Variants in SDK1 observed in about 807,000 individuals in gnomAD.
SDK1 encodes the protein protein sidekick-1.
SDK1 carries 157 observed loss-of-function variants against 245.5 expected under a neutral mutation model. That is an observed-to-expected ratio of 0.64 (90% confidence interval 0.56 to 0.73). SDK1 has a LOEUF of 0.73. Among genes scored for constraint, SDK1 ranks in the 30% least tolerant of loss-of-function variants. The pLI, the probability that SDK1 is intolerant of heterozygous loss-of-function variation, is 0.00. For synonymous variants in SDK1, 1,647 were observed against 1,278.5 expected (o/e 1.29, Z -6.15); for missense variants, 3,583 against 3,002.3 (o/e 1.19, Z -4.52).
At chr7:3,607,624 C>G (rs190105090) in intron 1 of SDK1, among the ~76,000 whole-genome samples, 45 of 152,270 alleles carry the variant, frequency 3.0e-4, no homozygotes, top group African/African-American at 1.1e-3. Flanking sequence ...AGTATGAATG[C>G]TTTCTTTTCT....
intron 4 of SDK1, among the ~76,000 whole-genome samples, chr7:3,741,373 C>T (rs1779469540): frequency 6.6e-6 from 1 of 152,202 alleles, no homozygotes; most frequent in South Asian, 2.1e-4. Flanking sequence ...TTCATCTTTG[C>T]TCTGTGATCC....
At chr7:3,889,140 C>G (rs893954156) in intron 5 of SDK1, among the ~76,000 whole-genome samples, 1 of 152,190 alleles carries the variant, frequency 6.6e-6, no homozygotes, top group African/African-American at 2.4e-5. Context: ...AAAATTGAGA[C>G]TGAAAGTGAT....
At chr7:3,789,436 C>G (rs1476917614) in intron 4 of SDK1, among the ~76,000 whole-genome samples, 1 of 152,236 alleles carries the variant, frequency 6.6e-6, no homozygotes, top group African/African-American at 2.4e-5. Flanking sequence ...GCGTGAGCCA[C>G]TCTGCCCAGC....
intron 4 of SDK1, among the ~76,000 whole-genome samples, chr7:3,675,069 C>T (rs1336408648): frequency 6.6e-6 from 1 of 152,178 alleles, no homozygotes; most frequent in Non-Finnish European, 1.5e-5. Context: ...TAAACCTTCT[C>T]ATGCCCGTGA....
At chr7:4,218,649 G>T (rs1044503399) in intron 38 of SDK1, among the ~76,000 whole-genome samples, 2 of 152,236 alleles carry the variant, frequency 1.3e-5, no homozygotes, top group African/African-American at 4.8e-5. Context: ...CGACCCTCCC[G>T]CACCAAGGCA....
intron 5 of SDK1, among the ~76,000 whole-genome samples, chr7:3,842,449 G>A (rs562487954): frequency 6.6e-6 from 1 of 152,240 alleles, no homozygotes; most frequent in African/African-American, 2.4e-5. Context: ...GTGCTGGCGT[G>A]GGTACTGGGT....
intron 41 of SDK1, among the ~76,000 whole-genome samples, chr7:4,236,510 G>C (rs956150231): frequency 6.6e-6 from 1 of 152,162 alleles, no homozygotes; most frequent in Non-Finnish European, 1.5e-5. Flanking sequence ...GGCTTTAGGG[G>C]TCTGTGGCCT....
chr7:3,957,438 G>A (rs1169520364), intron 7 of SDK1, among the ~76,000 whole-genome samples: 2 of 152,214 alleles, frequency 1.3e-5, no homozygotes, highest in African/African-American at 2.4e-5. Context: ...CAGTGTTACA[G>A]TGTTACTTCT....
chr7:3,786,027 G>C (rs181517127), intron 4 of SDK1, among the ~76,000 whole-genome samples: 29 of 152,306 alleles, frequency 1.9e-4, no homozygotes, highest in Non-Finnish European at 2.5e-4. Context: ...TGCTCGTGTA[G>C]GTAACACAAA....
At chr7:3,400,696 G>A (rs932202164) in intron 1 of SDK1, among the ~76,000 whole-genome samples, 1 of 152,128 alleles carries the variant, frequency 6.6e-6, no homozygotes, top group African/African-American at 2.4e-5. Context: ...CATAATTAAG[G>A]TCCAGTTTTA....
chr7:4,202,766 T>A (rs540796808), intron 35 of SDK1, among the ~76,000 whole-genome samples: 2 of 152,146 alleles, frequency 1.3e-5, no homozygotes, highest in Non-Finnish European at 2.9e-5. Flanking sequence ...TTGTTTTGTT[T>A]TTTTCTCCTG....
intron 1 of SDK1, among the ~76,000 whole-genome samples, chr7:3,494,341 G>C (rs1335786719): frequency 6.6e-6 from 1 of 152,158 alleles, no homozygotes; most frequent in Non-Finnish European, 1.5e-5. Flanking sequence ...ATCCTACCTG[G>C]AACAGAGTGA....
chr7:3,385,904 TTAG>T (rs1781598834), intron 1 of SDK1, among the ~76,000 whole-genome samples: 1 of 152,190 alleles, frequency 6.6e-6, no homozygotes, highest in African/African-American at 2.4e-5. Context: ...TATAGGTTAG[TTAG>T]TAGTCATACT....
chr7:3,746,035 C>T (rs1268916001), intron 4 of SDK1, among the ~76,000 whole-genome samples: 1 of 152,124 alleles, frequency 6.6e-6, no homozygotes, highest in Non-Finnish European at 1.5e-5. Context: ...AGTAAGAGTA[C>T]CTACCTCACT....
intron 4 of SDK1, among the ~76,000 whole-genome samples, chr7:3,762,623 C>G (rs1312245026): frequency 6.6e-6 from 1 of 152,146 alleles, no homozygotes; most frequent in East Asian, 1.9e-4. Context: ...GTTTGAGCGG[C>G]CAGTGCAACA....
rs1562557834 is a variant in SDK1, at chr7:3,552,267, TC to T, written c.299-66811del. ...TTAGCAAGGATGGTCTCGATCGATC[TC>T]CTGACCTTGTGATCCACCCGCCTTG... On this transcript the variant is annotated intron_variant, in intron 1 of 44. Coordinates refer to ENST00000404826, the MANE Select transcript of SDK1 (RefSeq NM_152744.4). 2.6e-5 allele frequency among the ~76,000 whole-genome samples: 4 copies of T among 152,238 alleles called. No homozygotes were observed. The South Asian group carries it at 8.3e-4, about 32-fold the overall frequency.
Position 3,570,568 on chromosome 7 carries a change from T to G in SDK1, c.299-48512T>G, listed in dbSNP as rs986418597. On this transcript the variant is annotated intron_variant, in intron 1 of 44. Transcript: ENST00000404826. ...ATGAGGAGGTTTCCCATTTACTCCA[T>G]TACTCTTTCAAGAAAGTCTCCAATT... Among the ~76,000 whole-genome samples, 42 of 152,348 alleles carry G rather than the reference T, an allele frequency of 2.8e-4. No individual in the cohort carries two copies. The South Asian group carries it at 8.5e-3, about 31-fold the overall frequency.
chr7:3,696,074 C>G (rs1437099483), intron 4 of SDK1, among the ~76,000 whole-genome samples: 1 of 152,118 alleles, frequency 6.6e-6, no homozygotes, highest in African/African-American at 2.4e-5. Flanking sequence ...GTCCCTTGTT[C>G]TTATGCAATA....
At chr7:4,108,996 G>A (rs953812010) in intron 22 of SDK1, among the ~76,000 whole-genome samples, 9 of 152,230 alleles carry the variant, frequency 5.9e-5, no homozygotes, top group Non-Finnish European at 1.2e-4. Context: ...TGTGGTAGCA[G>A]GTGTGGGTGC....
Sources: gnomAD v4.1 joint callset for allele counts (sites outside exome capture counted in the v4.1 genomes callset) on GRCh38, gnomAD v4.1.1 for gene constraint, MANE v1.5 for transcripts, NCBI Gene and HGNC (gene_info 2026-07-23, HGNC 2026-07-21) for gene names.